The following LCOR variants were observed in gnomAD, a reference collection of about 807,000 sequenced individuals.
LCOR encodes the protein ligand-dependent corepressor.
A neutral mutation model predicts 64.4 loss-of-function variants in LCOR; 14 were observed. That is an observed-to-expected ratio of 0.22 (90% CI 0.14 to 0.34). The LOEUF (loss-of-function observed/expected upper bound fraction) is 0.34. LCOR is among the 10% of genes least tolerant of loss of function. The pLI, the probability that LCOR is intolerant of heterozygous loss-of-function variation, is 1.00. For synonymous variants in LCOR, 643 were observed against 642.5 expected (o/e 1.00, Z -0.01); for missense variants, 1,686 against 1,765.3 (o/e 0.96, Z 0.80).
At chr10:96,839,241 GTATA>G (rs1327095838) in intron 2 of LCOR, among the ~76,000 whole-genome samples, 2 of 152,212 alleles carry the variant, frequency 1.3e-5, no homozygotes, top group Admixed American at 6.5e-5. Context: ...TAAGAATTGT[GTATA>G]TATTCTGGAT....
Position 96,983,429 on chromosome 10 carries a change from C to A in LCOR, c.2969C>A (p.Ala990Asp), listed in dbSNP as rs1331882462. The A allele has an allele frequency of 1.2e-6, 2 of 1,614,158 alleles. No individual in the cohort carries two copies. Among genetic ancestry groups the A allele is most frequent in the South Asian group, 2.2e-5 (2 of 91,088 alleles). The change falls in exon 8 of 8, where the codon GCT becomes GAT. Residue 990 changes from alanine to aspartate, a missense_variant. Around this residue, in one of 3 missense-constraint regions of LCOR, gnomAD observed 1,293 missense variants for 1,410.4 expected, o/e 0.92. Coordinates refer to ENST00000421806, the MANE Select transcript of LCOR (RefSeq NM_001346516.2). The surrounding 1 kb of genome is among the most constrained non-coding windows in gnomAD (Gnocchi z 4.5). ...GHIPTQHVEE[A>D]VNEVDNENTQ... ...ATTCCCACACAGCATGTGGAGGAGG[C>A]TGTGAATGAGGTAGACAACGAAAAC... is the stretch of plus-strand genomic sequence containing the variant.
intron 4 of LCOR, among the ~76,000 whole-genome samples, chr10:96,929,425 C>T (rs938096798): frequency 6.6e-6 from 1 of 152,214 alleles, no homozygotes; most frequent in South Asian, 2.1e-4. Flanking sequence ...AAGCCAACCT[C>T]GGCTAGCTTC....
intron 4 of LCOR, 102 bp from the exon 5 acceptor site, chr10:96,944,011 A>G: frequency 1.5e-6 from 1 of 684,124 alleles, no homozygotes; most frequent in Non-Finnish European, 1.8e-6. Context: ...AATTGCATCA[A>G]ATTAATTTGC....
intron 4 of LCOR, among the ~76,000 whole-genome samples, chr10:96,931,286 T>C (rs1455850010): frequency 1.3e-5 from 2 of 150,660 alleles, no homozygotes; most frequent in Non-Finnish European, 2.9e-5. Flanking sequence ...CAGGCTAGAG[T>C]GCAGTGGTGT....
At position 96,844,071 on chromosome 10, in the gene LCOR, T is replaced by C. The variant is rs571135149; in HGVS notation, c.-330+10592T>C. ...ATTGGAAATCAAAATTTTATGCTCT[T>C]TAACCTACCTACCTTCCCACCCTCC... On this transcript the variant is annotated intron_variant, in intron 2 of 7. Coordinates refer to ENST00000421806, the MANE Select transcript of LCOR (RefSeq NM_001346516.2). Among the ~76,000 whole-genome samples the C allele has an allele frequency of 2.7e-3, 405 of 150,420 alleles. 3 individuals carry two copies. Among genetic ancestry groups the C allele is most frequent in the African/African-American group, 9.5e-3 (385 of 40,698 alleles).
At chr10:96,879,894 C>T (rs779852482) in intron 2 of LCOR, among the ~76,000 whole-genome samples, 24 of 152,150 alleles carry the variant, frequency 1.6e-4, no homozygotes, top group Non-Finnish European at 3.4e-4. Flanking sequence ...AACTCCTAGC[C>T]TCAAGTAATC....
rs949404678 is a variant in LCOR, at chr10:96,995,199, G to C, written c.*10065G>C. ...TTAAAGGTCTTTCTGGTTCCTCCCA[G>C]TGTTGTCATTGCTGAGGTCGATCTC... On this transcript the variant is annotated 3_prime_UTR_variant, in exon 8 of 8. Transcript: ENST00000421806. The surrounding 1 kb of genome is among the most constrained non-coding windows in gnomAD (Gnocchi z 4.2). The C allele has an allele frequency of 6.6e-6, 1 of 152,254 alleles. No homozygotes were observed. The highest frequency in any genetic ancestry group is 1.5e-5 in the Non-Finnish European group (1 of 68,066). The allele number at this position is 152,254 out of a possible 1,614,324, so 9.4% of individuals were successfully genotyped here. A position where few individuals can be genotyped will look rare whatever the true frequency, so the allele number is the denominator to read the frequency against.
At chr10:96,917,060 G>T (rs1017687604) in intron 4 of LCOR, among the ~76,000 whole-genome samples, 3 of 152,180 alleles carry the variant, frequency 2.0e-5, no homozygotes, top group Non-Finnish European at 4.4e-5. Flanking sequence ...GATTATTTAG[G>T]ATTAAAACTG....
intron 4 of LCOR, among the ~76,000 whole-genome samples, chr10:96,917,508 A>G (rs959738325): frequency 6.6e-6 from 1 of 152,244 alleles, no homozygotes; most frequent in Non-Finnish European, 1.5e-5. Flanking sequence ...ACAAGAAAAT[A>G]TAAGTACTGT....
chr10:96,970,617 T>A (rs1366362887), intron 7 of LCOR, among the ~76,000 whole-genome samples: 3 of 146,270 alleles, frequency 2.1e-5, no homozygotes, highest in African/African-American at 7.7e-5. Context: ...TTATTTTATT[T>A]TATTTTATTT....
chr10:96,865,013 G>C (rs1845947644), intron 2 of LCOR, among the ~76,000 whole-genome samples: 1 of 152,166 alleles, frequency 6.6e-6, no homozygotes, highest in African/African-American at 2.4e-5. Context: ...TCTGAGAAAA[G>C]AAAATTTAAT....
chr10:96,838,738 A>G (rs945348407), intron 2 of LCOR, among the ~76,000 whole-genome samples: 1 of 152,198 alleles, frequency 6.6e-6, no homozygotes, highest in African/African-American at 2.4e-5. Flanking sequence ...GTTGATGGAT[A>G]TTTGGGTTGT....
intron 7 of LCOR, among the ~76,000 whole-genome samples, chr10:96,966,286 T>C (rs947910064): frequency 7.4e-6 from 1 of 134,968 alleles, no homozygotes; most frequent in African/African-American, 2.9e-5. Context: ...TGGAGTGCAG[T>C]GGCGCGATCT....
intron 2 of LCOR, among the ~76,000 whole-genome samples, chr10:96,893,762 CAAAAA>C (rs376847220): frequency 1.1e-5 from 1 of 94,532 alleles, no homozygotes; most frequent in African/African-American, 3.5e-5. Context: ...GACTCTGTTT[CAAAAA>C]AAAAAAAAAA....
At chr10:96,888,552 A>G (rs1360626087) in intron 2 of LCOR, among the ~76,000 whole-genome samples, 1 of 151,984 alleles carries the variant, frequency 6.6e-6, no homozygotes, top group Non-Finnish European at 1.5e-5. Context: ...ACATTGTGTG[A>G]TGGAAAATGC....
At chr10:96,958,049 C>T in intron 7 of LCOR, 1 of 1,033,250 alleles carries the variant, frequency 9.7e-7, no homozygotes, top group South Asian at 4.6e-5. Context: ...AAGGGCTAAG[C>T]TTATGAAGGA....
intron 4 of LCOR, among the ~76,000 whole-genome samples, chr10:96,914,039 C>T (rs1356969891): frequency 6.6e-6 from 1 of 152,116 alleles, no homozygotes; most frequent in Non-Finnish European, 1.5e-5. Flanking sequence ...ATGGTTGGAG[C>T]CAGATAATAG....
At chr10:96,980,730 A>T (rs1848076484) in intron 7 of LCOR, 63 bp from the exon 8 acceptor site, 1 of 609,502 alleles carries the variant, frequency 1.6e-6, no homozygotes, top group East Asian at 2.8e-5. Flanking sequence ...TGAATTTTAT[A>T]ATGTAAAAAT....
In LCOR at chr10:96,983,147, A is replaced by T; in HGVS notation, c.2687A>T (p.Asp896Val). Reference sequence around the variant, plus strand: ...GTCAATGAACGCCCCTCTGAGAAAGATGCTGAGCAGGAGGGCGAAGGCGGG... The same window carrying T: ...GTCAATGAACGCCCCTCTGAGAAAGTTGCTGAGCAGGAGGGCGAAGGCGGG... ...PSVNERPSEK[D>V]AEQEGEGGGI... Residue 896 changes from aspartate (D) to valine (V), a missense_variant, in exon 8 of 8, where the codon GAT (aspartate) becomes GTT (valine). Asp to Val is a radical substitution (Grantham distance 152). This residue lies in a region of LCOR where 1,293 missense variants were observed against 1,410.4 expected (regional missense o/e 0.92). Transcript: ENST00000421806. The surrounding 1 kb of genome is among the most constrained non-coding windows in gnomAD (Gnocchi z 4.5). 2 of 1,614,084 alleles carry T rather than the reference A, an allele frequency of 1.2e-6. No homozygotes were observed. Among genetic ancestry groups the T allele is most frequent in the Non-Finnish European group, 1.7e-6 (2 of 1,180,002 alleles).
Sources: allele counts gnomAD v4.1 joint callset (sites outside exome capture counted in the v4.1 genomes callset), GRCh38; gene constraint gnomAD v4.1.1; regional missense constraint gnomAD v4.1.1; non-coding constraint Gnocchi (gnomAD v3.1); transcripts MANE v1.5; gene names NCBI Gene and HGNC (gene_info 2026-07-23, HGNC 2026-07-21).